POC1B: variants seen among roughly 807,000 people sequenced by gnomAD.
The protein encoded by POC1B is POC1 centriolar protein B.
A neutral mutation model predicts 60.6 loss-of-function variants in POC1B; 44 were observed. The ratio of observed to expected loss-of-function variants is 0.73; its 90% CI spans 0.57 to 0.93. The LOEUF (loss-of-function observed/expected upper bound fraction) is 0.93. POC1B is among the 40% of genes least tolerant of loss of function. The pLI is 0.00. For missense variants in POC1B, 555 were observed against 572.3 expected (o/e 0.97, Z 0.31); for synonymous variants, 180 against 198.9 (o/e 0.90, Z 0.80).
intron 2 of POC1B, among the ~76,000 whole-genome samples, chr12:89,499,621 T>G (rs190027731): frequency 0.011 from 1,111 of 100,142 alleles, 13 homozygotes; most frequent in African/African-American, 0.031. Context: ...AGGAAAGGAT[T>G]TTTTTTTAAT....
chr12:89,453,406 A>T (rs1252158834), intron 10 of POC1B, among the ~76,000 whole-genome samples: 4 of 152,210 alleles, frequency 2.6e-5, no homozygotes, highest in Non-Finnish European at 5.9e-5. Context: ...CCTGGATCCT[A>T]TAAATGCCTA....
At chr12:89,439,353 T>C (rs2120715507) in intron 10 of POC1B, among the ~76,000 whole-genome samples, 1 of 152,286 alleles carries the variant, frequency 6.6e-6, no homozygotes, top group Non-Finnish European at 1.5e-5. Context: ...CCTTTGTATA[T>C]ATTCGTCCTC....
At chr12:89,523,194 C>T in intron 2 of POC1B, 1 of 1,613,838 alleles carries the variant, frequency 6.2e-7, no homozygotes, top group Non-Finnish European at 8.5e-7. Flanking sequence ...CAGACGAGAT[C>T]CCTCTACTGC....
chr12:89,405,843 T>C, the POC1B span, among the ~76,000 whole-genome samples: 2 of 151,898 alleles, frequency 1.3e-5, no homozygotes, highest in African/African-American at 4.8e-5. Context: ...TAGTCCCAGA[T>C]ACTTGGGAGG....
intron 10 of POC1B, among the ~76,000 whole-genome samples, chr12:89,452,014 A>T (rs1224993920): frequency 6.6e-6 from 1 of 152,152 alleles, no homozygotes; most frequent in African/African-American, 2.4e-5. Context: ...TACGGTAGTA[A>T]TTTCCTGTGT....
intron 2 of POC1B, among the ~76,000 whole-genome samples, chr12:89,499,012 G>A (rs559146115): frequency 2.1e-3 from 313 of 152,246 alleles, no homozygotes; most frequent in African/African-American, 7.3e-3. Context: ...GAAATAGGGA[G>A]CGATCCTGGC....
At chr12:89,427,662 C>A (rs1880827772) in intron 10 of POC1B, 2 of 152,304 alleles carry the variant, frequency 1.3e-5, no homozygotes, top group Non-Finnish European at 2.9e-5. Flanking sequence ...GATGGCACCA[C>A]TGCACTCCAG....
chr12:89,412,967 C>T, the POC1B span, among the ~76,000 whole-genome samples: 7 of 148,250 alleles, frequency 4.7e-5, no homozygotes, highest in East Asian at 4.2e-4. Context: ...AGCATGATAT[C>T]GGCTCACTGC....
At chr12:89,441,791 A>C (rs557391858) in intron 10 of POC1B, among the ~76,000 whole-genome samples, 1 of 152,366 alleles carries the variant, frequency 6.6e-6, no homozygotes, top group African/African-American at 2.4e-5. Context: ...TGAGAGAAGA[A>C]GGCTTCAGAT....
chr12:89,506,260 T>C (rs558389147), intron 2 of POC1B, among the ~76,000 whole-genome samples: 3 of 152,370 alleles, frequency 2.0e-5, no homozygotes, highest in Admixed American at 6.5e-5. Flanking sequence ...GGCAAGTTAT[T>C]CCACCTCTCT....
At chr12:89,470,632 C>T (rs766049285) in intron 6 of POC1B, 138 bp from the exon 7 acceptor site, 19 of 575,538 alleles carry the variant, frequency 3.3e-5, no homozygotes, top group Non-Finnish European at 4.8e-5. Flanking sequence ...CTCACTAAAA[C>T]GAGTATTTTG....
rs1339037071 is a variant in POC1B at position 89,420,322 on chromosome 12, G to A, written c.*831C>T. ...CACCCTAAGCAACAATATTTCTGAA[G>A]CATGTGTACATACATGTGTGTATAT... On this transcript the variant is annotated 3_prime_UTR_variant, in exon 12 of 12. Coordinates refer to ENST00000313546, the MANE Select transcript of POC1B (RefSeq NM_172240.3). The A allele has an allele frequency of 1.3e-5, 2 of 152,154 alleles. No homozygotes were observed. The highest frequency in any genetic ancestry group is 2.4e-5 in the African/African-American group (1 of 41,432). The allele number at this position is 152,154 out of a possible 1,614,324, so 9.4% of individuals were successfully genotyped here. A position where few individuals can be genotyped will look rare whatever the true frequency, so the allele number is the denominator to read the frequency against.
chr12:89,444,586 C>T (rs1013881754), intron 10 of POC1B, among the ~76,000 whole-genome samples: 10 of 152,070 alleles, frequency 6.6e-5, no homozygotes, highest in Admixed American at 2.0e-4. Flanking sequence ...CAATAAACTA[C>T]GTATTGATGG....
intron 4 of POC1B, chr12:89,485,269 C>T (rs1269890019): frequency 1.3e-5 from 2 of 152,204 alleles, no homozygotes; most frequent in Non-Finnish European, 2.9e-5. Context: ...GCACAAAACA[C>T]TCTGGGAGGC....
rs1289975366 is a variant in POC1B, at chr12:89,501,034, G to C, written c.101-3692C>G. 9.6e-6 allele frequency: 10 copies of C among 1,040,330 alleles called. No homozygotes were observed. In the African/African-American group the frequency reaches 1.6e-4, roughly 16 times the overall value. The allele number at this position is 1,040,330 out of a possible 1,614,324, so 64.4% of individuals were successfully genotyped here. A position where few individuals can be genotyped will look rare whatever the true frequency, so the allele number is the denominator to read the frequency against. ...TTTATAATTGATAAGTCAGATCAAA[G>C]TTTTGCCAGTAGATCTTGGGATTAC... On this transcript the variant is annotated intron_variant, in intron 2 of 11. Coordinates refer to ENST00000313546, the MANE Select transcript of POC1B (RefSeq NM_172240.3).
At chr12:89,501,259 G>A (rs1402416477) in intron 2 of POC1B, 25 of 1,145,158 alleles carry the variant, frequency 2.2e-5, no homozygotes, top group Non-Finnish European at 2.7e-6. Flanking sequence ...TACAAGTTAT[G>A]CTTTGACAGG....
chr12:89,516,418 C>T (rs1870442912), intron 2 of POC1B, among the ~76,000 whole-genome samples: 1 of 152,176 alleles, frequency 6.6e-6, no homozygotes, highest in African/African-American at 2.4e-5. Context: ...CCCAGACCAT[C>T]ACACTAATTT....
At chr12:89,406,474 T>C in the POC1B span, among the ~76,000 whole-genome samples, 15 of 152,148 alleles carry the variant, frequency 9.9e-5, no homozygotes, top group Non-Finnish European at 1.9e-4. Flanking sequence ...GTTTTCCATT[T>C]TGAAATAAAA....
chr12:89,466,341 CACTA>C (rs1882683771), intron 9 of POC1B, among the ~76,000 whole-genome samples: 1 of 152,140 alleles, frequency 6.6e-6, no homozygotes, highest in Non-Finnish European at 1.5e-5. Flanking sequence ...TAGATTTAAT[CACTA>C]ACTCTCTTCT....
Sources: allele counts gnomAD v4.1 joint callset (sites outside exome capture counted in the v4.1 genomes callset), GRCh38; gene constraint gnomAD v4.1.1; transcripts MANE v1.5; gene names NCBI Gene and HGNC (gene_info 2026-07-23, HGNC 2026-07-21).